The following SLC16A7 variants were observed in gnomAD, a reference collection of about 807,000 sequenced individuals.
The protein encoded by SLC16A7 is monocarboxylate transporter 2.
A neutral mutation model predicts 34.9 loss-of-function variants in SLC16A7; 33 were observed. The ratio of observed to expected loss-of-function variants is 0.94; its 90% CI spans 0.72 to 1.26. The LOEUF is 1.26. Ranked by LOEUF, SLC16A7 falls within the 50% of genes most tolerant of loss-of-function variation. The pLI is 0.00. For synonymous variants in SLC16A7, 201 were observed against 206.6 expected, an observed-to-expected ratio of 0.97 and a Z score of 0.23; for missense variants, 573 against 578.1, an observed-to-expected ratio of 0.99 and a Z score of 0.09.
At chr12:59,701,786 TA>T (rs921854145) in intron 2 of SLC16A7, among the ~76,000 whole-genome samples, 1 of 151,782 alleles carries the variant, frequency 6.6e-6, no homozygotes, top group African/African-American at 2.4e-5. Context: ...GTTATTATTT[TA>T]AAATATGGGT....
intron 3 of SLC16A7, among the ~76,000 whole-genome samples, chr12:59,770,927 T>G (rs951689213): frequency 7.9e-5 from 12 of 152,184 alleles, no homozygotes; most frequent in Non-Finnish European, 1.8e-4. Flanking sequence ...TTAGGTATGT[T>G]CTATTGAAAA....
At chr12:59,684,414 C>T (rs1031319774) in intron 2 of SLC16A7, among the ~76,000 whole-genome samples, 1 of 152,096 alleles carries the variant, frequency 6.6e-6, no homozygotes, top group African/African-American at 2.4e-5. Context: ...CTGCTGTTCC[C>T]AGGTTTGAAA....
intron 3 of SLC16A7, among the ~76,000 whole-genome samples, chr12:59,706,543 T>C (rs1873602957): frequency 6.6e-6 from 1 of 152,160 alleles, no homozygotes; most frequent in Admixed American, 6.6e-5. Flanking sequence ...GGCGTGTCAA[T>C]GGAAAATTCT....
chr12:59,656,218 C>G (rs1411674231), intron 2 of SLC16A7, among the ~76,000 whole-genome samples: 1 of 151,924 alleles, frequency 6.6e-6, no homozygotes, highest in Non-Finnish European at 1.5e-5. Context: ...ATGTAGTAAA[C>G]AGAATAATGG....
intron 3 of SLC16A7, among the ~76,000 whole-genome samples, chr12:59,757,259 TAATAAAATAA>T (rs60300922): frequency 2.7e-5 from 4 of 150,820 alleles, no homozygotes; most frequent in South Asian, 2.1e-4. Context: ...AGTATAATAA[TAATAAAATAA>T]AATAAAATAA....
intron 2 of SLC16A7, among the ~76,000 whole-genome samples, chr12:59,704,087 A>G (rs1873216281): frequency 6.7e-6 from 1 of 150,088 alleles, no homozygotes. Flanking sequence ...CTGTAATCCC[A>G]GTTACTAGGG....
chr12:59,649,969 A>AG (rs1868313594), intron 1 of SLC16A7, among the ~76,000 whole-genome samples: 2 of 152,090 alleles, frequency 1.3e-5, no homozygotes, highest in African/African-American at 4.8e-5. Context: ...CCAAAAAAAA[A>AG]GTTCTAAAAA....
chr12:59,645,183 GA>G (rs756684664), intron 1 of SLC16A7, among the ~76,000 whole-genome samples: 35 of 152,256 alleles, frequency 2.3e-4, no homozygotes, highest in Admixed American at 1.2e-3. Context: ...AATAGGCACT[GA>G]CATCTATTCA....
rs1469407345 is a variant in SLC16A7 at position 59,782,786 on chromosome 12, C to T, written c.*3107C>T. Reference sequence around the variant, plus strand: ...TCCTTTTTGCATTCACCTAGCACACCTTAAGAGACAAAAAATCAGGTTTTA... The same window carrying T: ...TCCTTTTTGCATTCACCTAGCACACTTTAAGAGACAAAAAATCAGGTTTTA... On this transcript the variant is annotated 3_prime_UTR_variant, in exon 6 of 6. Transcript: ENST00000547379. 1.3e-5 allele frequency: 2 copies of T among 152,100 alleles called. No individual in the cohort carries two copies. Among genetic ancestry groups the T allele is most frequent in the Admixed American group, 1.3e-4 (2 of 15,254 alleles). The allele number at this position is 152,100 out of a possible 1,614,324, so 9.4% of individuals were successfully genotyped here. A position where few individuals can be genotyped will look rare whatever the true frequency, so the allele number is the denominator to read the frequency against.
At chr12:59,660,271 C>A (rs1435480219) in intron 2 of SLC16A7, among the ~76,000 whole-genome samples, 2 of 151,918 alleles carry the variant, frequency 1.3e-5, no homozygotes, top group African/African-American at 2.4e-5. Context: ...CAGTCCAGGG[C>A]AAAAGAGGTC....
intron 3 of SLC16A7, chr12:59,768,237 G>A: frequency 4.4e-6 from 2 of 453,808 alleles, no homozygotes; most frequent in Admixed American, 2.4e-5. Flanking sequence ...TATGGGAGGA[G>A]GTCAAAATAC....
chr12:59,736,428 C>T (rs947431994), intron 3 of SLC16A7, among the ~76,000 whole-genome samples: 4 of 152,168 alleles, frequency 2.6e-5, no homozygotes, highest in African/African-American at 9.7e-5. Context: ...AAATTACTAA[C>T]TCCAGCAGCC....
At chr12:59,708,970 A>C (rs780262895) in intron 3 of SLC16A7, among the ~76,000 whole-genome samples, 7 of 151,674 alleles carry the variant, frequency 4.6e-5, no homozygotes, top group Non-Finnish European at 8.8e-5. Context: ...CAAATAGGTC[A>C]AACAGTGTGG....
intron 2 of SLC16A7, among the ~76,000 whole-genome samples, chr12:59,689,110 T>C (rs185829926): frequency 7.9e-5 from 12 of 152,134 alleles, no homozygotes; most frequent in African/African-American, 2.6e-4. Context: ...CTAAAAATTA[T>C]ATAATAAATA....
At chr12:59,759,218 G>A (rs1473742240) in intron 3 of SLC16A7, among the ~76,000 whole-genome samples, 1 of 151,954 alleles carries the variant, frequency 6.6e-6, no homozygotes, top group Non-Finnish European at 1.5e-5. Context: ...ATCTAGCATA[G>A]TAGTTGAGTT....
At chr12:59,725,645 G>A (rs1182466254) in intron 3 of SLC16A7, among the ~76,000 whole-genome samples, 2 of 152,234 alleles carry the variant, frequency 1.3e-5, no homozygotes, top group East Asian at 3.9e-4. Context: ...TAAAGAAAAT[G>A]TTGTATAGTG....
chr12:59,687,680 G>A (rs1221905172), intron 2 of SLC16A7, among the ~76,000 whole-genome samples: 1 of 152,064 alleles, frequency 6.6e-6, no homozygotes, highest in Non-Finnish European at 1.5e-5. Context: ...GGTCAGCTGT[G>A]GCTCTGGTTG....
At chr12:59,774,090 C>T (rs1369309563) in intron 4 of SLC16A7, among the ~76,000 whole-genome samples, 1 of 152,140 alleles carries the variant, frequency 6.6e-6, no homozygotes, top group Non-Finnish European at 1.5e-5. Context: ...CATCTATATA[C>T]ATTAAATGTG....
At chr12:59,631,266 T>A (rs958986611) in intron 1 of SLC16A7, among the ~76,000 whole-genome samples, 1 of 151,950 alleles carries the variant, frequency 6.6e-6, no homozygotes, top group Non-Finnish European at 1.5e-5. Flanking sequence ...AAGAAAATAG[T>A]TTCCCTTCTG....
Sources: gnomAD v4.1 joint callset for allele counts (sites outside exome capture counted in the v4.1 genomes callset) on GRCh38, gnomAD v4.1.1 for gene constraint, MANE v1.5 for transcripts, NCBI Gene and HGNC (gene_info 2026-07-23, HGNC 2026-07-21) for gene names.